TNIP1: variants seen among roughly 807,000 people sequenced by gnomAD.
The protein encoded by TNIP1 is TNFAIP3-interacting protein 1.
Under a neutral mutation model 86.6 loss-of-function variants are expected in TNIP1, and 22 were observed. The observed-to-expected ratio is 0.25, with a 90% CI of 0.18 to 0.36. The LOEUF (loss-of-function observed/expected upper bound fraction) is 0.36. Among genes scored for constraint, TNIP1 ranks in the 10% least tolerant of loss-of-function variants. The pLI is 1.00. For missense variants in TNIP1, 709 were observed against 820.6 expected (o/e 0.86, Z 1.66); for synonymous variants, 294 against 313.0 (o/e 0.94, Z 0.64).
At chr5:151,084,151 G>T (rs1764184374), upstream of TNIP1, among the ~76,000 whole-genome samples, 1 of 152,228 alleles carries the variant, frequency 6.6e-6, no homozygotes, top group Non-Finnish European at 1.5e-5. Context: ...CTTTAGAAAT[G>T]ATCAACCCAG....
intron 1 of TNIP1, among the ~76,000 whole-genome samples, chr5:151,071,862 C>A (rs1019039538): frequency 6.6e-6 from 1 of 152,190 alleles, no homozygotes; most frequent in Non-Finnish European, 1.5e-5. Context: ...CGCTAAACAC[C>A]TGAGCCAGAA....
rs779323971 is a variant in TNIP1 at position 151,030,103 on chromosome 5, G to A, written c.*610C>T. On this transcript the variant is annotated 3_prime_UTR_variant, in exon 18 of 18. Coordinates refer to ENST00000521591, the MANE Select transcript of TNIP1 (RefSeq NM_006058.5). ...TGGCAGCTTCAGGCTGGCGCCCCTC[G>A]GCGGACGTGGCTGGCATGGCCTTCT... The A allele has an allele frequency of 3.3e-5, 15 of 456,744 alleles. No homozygotes were observed. The highest frequency in any genetic ancestry group is 6.5e-4 in the Middle Eastern group (2 of 3,096). 28.3% of individuals were successfully genotyped at this position (456,744 alleles called of 1,614,324 possible). A position where few individuals can be genotyped will look rare whatever the true frequency, so the allele number is the denominator to read the frequency against.
chr5:151,032,022 G>A (rs1007264322), intron 17 of TNIP1: 1 of 464,178 alleles, frequency 2.2e-6, no homozygotes, highest in Non-Finnish European at 3.8e-6. Flanking sequence ...GCTGTATAAG[G>A]GCAAGGACTG....
Position 151,042,915 on chromosome 5 carries a change from T to C in TNIP1, c.983A>G (p.Lys328Arg). 6.2e-7 allele frequency: 1 copy of C among 1,614,122 alleles called. No homozygotes were observed. The highest frequency in any genetic ancestry group is 8.5e-7 in the Non-Finnish European group (1 of 1,180,032). ...KQWDQHFRSM[K>R]QQYEQKITEL... ...CATTACCTTCTGCTCATACTGCTGC[T>C]TCATGGACCGGAAATGCTGGTCCCA... The change falls in exon 10 of 18, where the codon AAG becomes AGG. Residue 328 changes from lysine to arginine, a missense_variant. Coordinates refer to ENST00000521591, the MANE Select transcript of TNIP1 (RefSeq NM_006058.5).
intron 1 of TNIP1, among the ~76,000 whole-genome samples, chr5:151,078,714 G>A (rs1763666116): frequency 1.3e-5 from 2 of 152,234 alleles, no homozygotes; most frequent in African/African-American, 4.8e-5. Context: ...GGGGAAAGAT[G>A]TCCTGGGCAG....
Position 151,042,844 on chromosome 5 carries a change from C to T in TNIP1, c.1002+52G>A, listed in dbSNP as rs2233301. On this transcript the variant is annotated intron_variant, in intron 10 of 17. Coordinates refer to ENST00000521591, the MANE Select transcript of TNIP1 (RefSeq NM_006058.5). ...AGGTTCAAAGCTGCTAAAGAGGCAG[C>T]GAGATGAAGACCAGGCATGCCCTGT... is the stretch of plus-strand genomic sequence containing the variant. 3.7e-6 allele frequency: 6 copies of T among 1,610,146 alleles called. No individual in the cohort carries two copies. In the African/African-American group the frequency reaches 4.0e-5, roughly 11 times the overall value.
At position 151,065,071 on chromosome 5, in the gene TNIP1, T is replaced by A. The variant is rs1327525576; in HGVS notation, c.25A>T (p.Ile9Phe). The A allele has an allele frequency of 1.2e-6, 2 of 1,613,998 alleles. No individual in the cohort carries two copies. Among genetic ancestry groups the A allele is most frequent in the Non-Finnish European group, 1.7e-6 (2 of 1,180,012 alleles). The stretch of plus-strand genomic sequence containing the variant: ...GGCACGCTGCCCCCAGGGTCGTAGA[T>A]CCGGTACGGTCCTCTCCCTTCCATG... MEGRGPYR[I>F]YDPGGSVPSG... The change falls in exon 2 of 18, where the codon ATC becomes TTC. Residue 9 changes from isoleucine (I) to phenylalanine (F), a missense_variant. By Grantham distance (21) the Ile-to-Phe change is conservative. Coordinates refer to ENST00000521591, the MANE Select transcript of TNIP1 (RefSeq NM_006058.5).
intron 9 of TNIP1, among the ~76,000 whole-genome samples, chr5:151,045,265 T>C (rs946625732): frequency 6.6e-6 from 1 of 152,206 alleles, no homozygotes; most frequent in African/African-American, 2.4e-5. Flanking sequence ...ATTTTTTGTA[T>C]TTTTAGTAGG....
chr5:151,045,833 T>C, intron 9 of TNIP1, 28 bp downstream of exon 9: 2 of 1,610,962 alleles, frequency 1.2e-6, no homozygotes, highest in Non-Finnish European at 1.7e-6. Context: ...AGAGGGATCC[T>C]CCCACTACTG....
Position 151,042,535 on chromosome 5 carries a change from C to G in TNIP1, c.1134+5G>C. 3.7e-6 allele frequency: 6 copies of G among 1,612,008 alleles called. No individual in the cohort carries two copies. Among genetic ancestry groups the G allele is most frequent in the Non-Finnish European group, 5.1e-6 (6 of 1,179,908 alleles). Reference sequence around the variant, plus strand: ...GACTCTGCAGGGACCAGCAGTCACACTTGCCTCCTCCATTTCAATCTTGGA... The same window carrying G: ...GACTCTGCAGGGACCAGCAGTCACAGTTGCCTCCTCCATTTCAATCTTGGA... On this transcript the variant is annotated splice_donor_5th_base_variant and intron_variant, in intron 11 of 17. Coordinates refer to ENST00000521591, the MANE Select transcript of TNIP1 (RefSeq NM_006058.5).
chr5:151,072,621 T>A (rs1296718140), intron 1 of TNIP1, among the ~76,000 whole-genome samples: 1 of 152,158 alleles, frequency 6.6e-6, no homozygotes, highest in Admixed American at 6.5e-5. Flanking sequence ...CCTGAGGACA[T>A]TTGGAACCTG....
chr5:151,030,695 A>G lies in TNIP1; in HGVS notation c.*18T>C, dbSNP rs750898741. ...GGCTCTGCAAGATGAAGGTGGAGCC[A>G]AATGACACAATCTGGTCTCACTGAG... On this transcript the variant is annotated 3_prime_UTR_variant, in exon 18 of 18. Coordinates refer to ENST00000521591, the MANE Select transcript of TNIP1 (RefSeq NM_006058.5). 4.3e-6 allele frequency: 7 copies of G among 1,614,184 alleles called. No homozygotes were observed. The South Asian group carries it at 7.7e-5, about 18-fold the overall frequency.
chr5:151,039,622 C>G (rs539023207), intron 11 of TNIP1, among the ~76,000 whole-genome samples: 1 of 151,998 alleles, frequency 6.6e-6, no homozygotes, highest in African/African-American at 2.4e-5. Flanking sequence ...AAACTGAATG[C>G]GAAATTTTGT....
At chr5:151,076,970 C>G (rs923832604) in intron 1 of TNIP1, among the ~76,000 whole-genome samples, 10 of 152,222 alleles carry the variant, frequency 6.6e-5, no homozygotes, top group Non-Finnish European at 8.8e-5. Context: ...GCATGGACCA[C>G]AAGTGGCAGA....
At chr5:151,051,120 C>G (rs978178485) in intron 7 of TNIP1, among the ~76,000 whole-genome samples, 3 of 152,172 alleles carry the variant, frequency 2.0e-5, no homozygotes, top group Non-Finnish European at 2.9e-5. Flanking sequence ...GTTTCTGAAT[C>G]CATGGATGGG....
chr5:151,069,088 G>A (rs978525677), intron 1 of TNIP1, among the ~76,000 whole-genome samples: 13 of 152,204 alleles, frequency 8.5e-5, no homozygotes, highest in African/African-American at 2.4e-4. Context: ...ACCACAGACC[G>A]TGAAGATGGA....
In TNIP1 at chr5:151,078,658, T is replaced by G. The variant is rs1763659193; in HGVS notation, c.-37+2222A>C. Among the ~76,000 whole-genome samples the G allele has an allele frequency of 2.0e-5, 3 of 152,176 alleles. No homozygotes were observed. In the South Asian group the frequency reaches 6.2e-4, roughly 32 times the overall value. On this transcript the variant is annotated intron_variant, in intron 1 of 17. Coordinates refer to ENST00000521591, the MANE Select transcript of TNIP1 (RefSeq NM_006058.5). ...AAGGCCCCTCTGAGGAGCTGACATT[T>G]GAGCTGAGACTTGATCGATAAGGAA... is the stretch of plus-strand genomic sequence containing the variant.
intron 1 of TNIP1, chr5:151,078,324 G>A (rs1368664240): frequency 6.6e-6 from 1 of 152,132 alleles, no homozygotes; most frequent in East Asian, 1.9e-4. Flanking sequence ...TTTGTGAAAT[G>A]TGCCATTATT....
At chr5:151,057,918 A>T (rs1760894473) in intron 5 of TNIP1, among the ~76,000 whole-genome samples, 1 of 152,158 alleles carries the variant, frequency 6.6e-6, no homozygotes, top group Non-Finnish European at 1.5e-5. Context: ...GGACTTGAGC[A>T]TCCATGGATT....
Sources: allele counts gnomAD v4.1 joint callset (sites outside exome capture counted in the v4.1 genomes callset), GRCh38; gene constraint gnomAD v4.1.1; transcripts MANE v1.5; gene names NCBI Gene and HGNC (gene_info 2026-07-23, HGNC 2026-07-21).